ACACA: variants seen among roughly 807,000 people sequenced by gnomAD.
The protein encoded by ACACA is acetyl-CoA carboxylase alpha.
ACACA carries 103 observed loss-of-function variants against 296.1 expected under a neutral mutation model. The observed-to-expected ratio is 0.35, with a 90% confidence interval of 0.30 to 0.41. The LOEUF (loss-of-function observed/expected upper bound fraction) is 0.41, where lower values mean the gene tolerates loss of function less well. ACACA is among the 10% of genes least tolerant of loss of function. ACACA has a pLI of 1.00. For synonymous variants in ACACA, 953 were observed against 1,038.6 expected (o/e 0.92, Z 1.58); for missense variants, 1,554 against 2,989.7 (o/e 0.52, Z 11.20).
In ACACA at chr17:37,263,703, T is replaced by C. The variant is rs1248481283; in HGVS notation, c.1311A>G (p.Val437=). 6.2e-7 allele frequency: 1 copy of C among 1,614,134 alleles called. No individual in the cohort carries two copies. The highest frequency in any genetic ancestry group is 8.5e-7 in the Non-Finnish European group (1 of 1,179,960). The change falls in exon 11 of 56, where the codon GTA becomes GTG. Residue 437 remains valine, a synonymous_variant. Coordinates refer to ENST00000616317, the MANE Select transcript of ACACA (RefSeq NM_198834.3). ...TATGTACCTGTTCCATGTGTTCAAA[T>C]ACTGCTGGAGTAGCAATAGTAGCAG... is the stretch of plus-strand genomic sequence containing the variant. The part of the protein sequence containing the change: ...EAPATIATPA[V]FEHMEQCAVK...
At chr17:37,217,748 A>C (rs1334960591) in intron 29 of ACACA, among the ~76,000 whole-genome samples, 12 of 143,136 alleles carry the variant, frequency 8.4e-5, no homozygotes, top group Middle Eastern at 6.8e-3. Context: ...AAAAAAAAAA[A>C]AAAAAAAAAA....
intron 31 of ACACA, 107 bp from the exon 32 acceptor site, chr17:37,206,986 A>C: frequency 2.9e-6 from 3 of 1,052,372 alleles, no homozygotes; most frequent in Non-Finnish European, 4.3e-6. Context: ...GCCTGGGCTC[A>C]ATAGTTAATT....
At chr17:37,374,151 G>A (rs1445970641) in intron 1 of ACACA, among the ~76,000 whole-genome samples, 1 of 152,158 alleles carries the variant, frequency 6.6e-6, no homozygotes, top group African/African-American at 2.4e-5. Flanking sequence ...TGGAGCTCAG[G>A]AGTTTGAGAC....
At position 37,098,026 on chromosome 17, in the gene ACACA, A is replaced by C. The variant is rs376700261; in HGVS notation, c.6566-42T>G. The C allele has an allele frequency of 3.6e-5, 58 of 1,613,630 alleles. No homozygotes were observed. The African/African-American group carries it at 7.6e-4, about 21-fold the overall frequency. On this transcript the variant is annotated intron_variant, in intron 52 of 55. Transcript: ENST00000616317. Reference sequence around the variant, plus strand: ...ATGCCCGTCACACTCTGTAATGACCAGGAATCTCTCTGCACAAAAGCAGCC... The same window carrying C: ...ATGCCCGTCACACTCTGTAATGACCCGGAATCTCTCTGCACAAAAGCAGCC...
intron 2 of ACACA, among the ~76,000 whole-genome samples, chr17:37,332,497 G>C (rs375518776): frequency 1.3e-5 from 2 of 151,668 alleles, no homozygotes; most frequent in Non-Finnish European, 2.9e-5. Flanking sequence ...AAGCCTGGGC[G>C]CGGTGGCTCA....
chr17:37,224,828 C>A (rs575963035), intron 27 of ACACA, among the ~76,000 whole-genome samples, 164 bp downstream of exon 27: 1 of 151,962 alleles, frequency 6.6e-6, no homozygotes, highest in African/African-American at 2.4e-5. Flanking sequence ...AAAAAATATT[C>A]ATAAGTATAA....
intron 1 of ACACA, among the ~76,000 whole-genome samples, chr17:37,382,910 G>A (rs770947693): frequency 2.6e-5 from 4 of 151,942 alleles, no homozygotes; most frequent in African/African-American, 4.8e-5. Flanking sequence ...GGAGGCACGC[G>A]CTTGTAGTCC....
Position 37,087,228 on chromosome 17 carries a change from T to C in ACACA, c.*88A>G. On this transcript the variant is annotated 3_prime_UTR_variant, in exon 56 of 56. Coordinates refer to ENST00000616317, the MANE Select transcript of ACACA (RefSeq NM_198834.3). Reference sequence around the variant, plus strand: ...TTTGACTCCAGTGCTGGGTCTCCTGTGCCTTCTCATTACAGTGGTTACAGT... The same window carrying C: ...TTTGACTCCAGTGCTGGGTCTCCTGCGCCTTCTCATTACAGTGGTTACAGT... 6.3e-7 allele frequency: 1 copy of C among 1,577,940 alleles called. No homozygotes were observed.
intron 34 of ACACA, 90 bp from the exon 35 acceptor site, chr17:37,200,273 G>T (rs1005730105): frequency 1.4e-6 from 2 of 1,380,818 alleles, no homozygotes; most frequent in Non-Finnish European, 2.1e-6. Flanking sequence ...AAGATGATGA[G>T]TTAAACTAAT....
intron 45 of ACACA, among the ~76,000 whole-genome samples, chr17:37,130,748 T>C (rs1274908907): frequency 6.6e-6 from 1 of 152,058 alleles, no homozygotes; most frequent in African/African-American, 2.4e-5. Flanking sequence ...CCCAGAGGCA[T>C]AGGCTACCTC....
At chr17:37,308,872 G>A (rs2084002173) in intron 3 of ACACA, among the ~76,000 whole-genome samples, 1 of 152,020 alleles carries the variant, frequency 6.6e-6, no homozygotes, top group Non-Finnish European at 1.5e-5. Context: ...GAGAGGCGGA[G>A]GTTGCAGTGA....
intron 3 of ACACA, among the ~76,000 whole-genome samples, chr17:37,328,077 T>C (rs547091589): frequency 3.9e-5 from 6 of 152,352 alleles, no homozygotes; most frequent in African/African-American, 1.2e-4. Context: ...CCAGAGATAA[T>C]GCTTTGTTCA....
chr17:37,220,342 C>T (rs2079225330), intron 29 of ACACA, among the ~76,000 whole-genome samples: 1 of 152,174 alleles, frequency 6.6e-6, no homozygotes. Flanking sequence ...AGCAGCCCTG[C>T]AGCCTGACTA....
intron 3 of ACACA, among the ~76,000 whole-genome samples, chr17:37,326,033 C>T (rs910208923): frequency 2.0e-5 from 3 of 150,992 alleles, no homozygotes; most frequent in African/African-American, 7.3e-5. Flanking sequence ...TATGGTGAAA[C>T]CCCATCTCTA....
chr17:37,256,992 T>C (rs2081257639), intron 14 of ACACA, among the ~76,000 whole-genome samples: 1 of 152,146 alleles, frequency 6.6e-6, no homozygotes, highest in Non-Finnish European at 1.5e-5. Context: ...TAGATAGATA[T>C]TCCAAAAGAT....
At chr17:37,208,573 T>C (rs1203739484) in intron 30 of ACACA, among the ~76,000 whole-genome samples, 1 of 152,122 alleles carries the variant, frequency 6.6e-6, no homozygotes, top group African/African-American at 2.4e-5. Flanking sequence ...TCCAGCAAGA[T>C]ACAAAAGGGC....
intron 1 of ACACA, 32 bp downstream of exon 1, chr17:37,406,230 T>A: frequency 6.2e-7 from 1 of 1,611,392 alleles, no homozygotes; most frequent in Non-Finnish European, 8.5e-7. Flanking sequence ...GAATCATCAT[T>A]AACAGCAGTA....
Position 37,277,886 on chromosome 17 carries a change from C to T in ACACA, c.720+10G>A, listed in dbSNP as rs1255859456. ...AATTTGGTTTTAAAGGACACATTGG[C>T]ATCTCTTACTTGTACTGGGATCCTT... is the stretch of plus-strand genomic sequence containing the variant. On this transcript the variant is annotated intron_variant, in intron 6 of 55. Transcript: ENST00000616317. 1 of 1,593,394 alleles carries T rather than the reference C, an allele frequency of 6.3e-7. No homozygotes were observed.
rs1361719212 is a variant in ACACA at position 37,240,368 on chromosome 17, T to C, written c.3121+108A>G. The C allele has an allele frequency of 5.7e-6, 5 of 883,776 alleles. No individual in the cohort carries two copies. The East Asian group carries it at 1.0e-4, about 19-fold the overall frequency. 54.7% of individuals were successfully genotyped at this position (883,776 alleles called of 1,614,324 possible). A position where few individuals can be genotyped will look rare whatever the true frequency, so the allele number is the denominator to read the frequency against. ...GGAGACTGTTTATTAATGGGAAGTG[T>C]TGTTGACAGGAGGGGGCTTAGCTCT... is the stretch of plus-strand genomic sequence containing the variant. On this transcript the variant is annotated intron_variant, in intron 24 of 55. Transcript: ENST00000616317.
Sources: allele counts gnomAD v4.1 joint callset (sites outside exome capture counted in the v4.1 genomes callset), GRCh38; gene constraint gnomAD v4.1.1; transcripts MANE v1.5; gene names NCBI Gene and HGNC (gene_info 2026-07-23, HGNC 2026-07-21).